Variants in TEX101 observed in about 807,000 individuals in gnomAD.
The protein encoded by TEX101 is testis-expressed protein 101.
TEX101 carries 10 observed loss-of-function variants against 18.1 expected under a neutral mutation model. The observed-to-expected ratio is 0.55, with a 90% CI of 0.34 to 0.94. The LOEUF (loss-of-function observed/expected upper bound fraction) is 0.94, where lower values mean the gene tolerates loss of function less well. Ranked by LOEUF, TEX101 falls within the 40% of genes least tolerant of loss-of-function variation. TEX101 has a pLI of 0.02. For missense variants in TEX101, 259 were observed against 298.9 expected (o/e 0.87, Z 0.98); for synonymous variants, 94 against 114.8 (o/e 0.82, Z 1.16).
upstream of TEX101, among the ~76,000 whole-genome samples, chr19:43,414,566 G>T (rs557377659): frequency 1.3e-5 from 2 of 152,290 alleles, no homozygotes; most frequent in African/African-American, 4.8e-5. Flanking sequence ...GAGGGCCAAG[G>T]GTCTGACCTC....
upstream of TEX101, chr19:43,414,851 C>T (rs918939910): frequency 4.1e-6 from 4 of 985,252 alleles, no homozygotes; most frequent in Non-Finnish European, 4.8e-6. Flanking sequence ...AATGGGGTTT[C>T]GAGTGCTGTG....
At chr19:43,401,524 A>G (rs1259687469) in exon 1 of TEX101, 3 of 152,244 alleles carry the variant, frequency 2.0e-5, no homozygotes, top group African/African-American at 4.8e-5. Flanking sequence ...GGAAATATGC[A>G]ACATGCTTCA....
At chr19:43,405,777 G>T (rs957485323) in intron 2 of TEX101, among the ~76,000 whole-genome samples, 5 of 151,334 alleles carry the variant, frequency 3.3e-5, no homozygotes, top group Non-Finnish European at 4.4e-5. Flanking sequence ...TTAGCTGGGC[G>T]TGGTGGCATG....
At chr19:43,395,259 A>T in the TEX101 span, among the ~76,000 whole-genome samples, 1 of 152,288 alleles carries the variant, frequency 6.6e-6, no homozygotes, top group Non-Finnish European at 1.5e-5. Flanking sequence ...AAGGAAATTT[A>T]TGCTCTCTGC....
rs779552871 is a variant in TEX101 at position 43,415,937 on chromosome 19, C to A, written c.18C>A (p.Ile6=). 5 of 1,614,192 alleles carry A rather than the reference C, an allele frequency of 3.1e-6. No individual in the cohort carries two copies. The highest frequency in any genetic ancestry group is 4.2e-6 in the Non-Finnish European group (5 of 1,180,026). Residue 6 remains isoleucine, a synonymous_variant, in exon 2 of 6, where the codon ATC becomes ATA. Transcript: ENST00000598265. ...AAGAAGCCATGGGAACCCCTCGTAT[C>A]CAGCATTTGCTGATCCTCCTGGTCC... MGTPR[I]QHLLILLVLG...
At chr19:43,411,326 T>G (rs1401735312), upstream of TEX101, among the ~76,000 whole-genome samples, 1 of 152,166 alleles carries the variant, frequency 6.6e-6, no homozygotes, top group African/African-American at 2.4e-5. Context: ...ATCCACCACC[T>G]CGGCCTCCCA....
chr19:43,404,682 CTAAT>C (rs1970346227), intron 2 of TEX101, among the ~76,000 whole-genome samples: 1 of 151,104 alleles, frequency 6.6e-6, no homozygotes, highest in South Asian at 2.1e-4. Flanking sequence ...TGCGTGTATC[CTAAT>C]TATTTGCCTG....
Position 43,418,183 on chromosome 19 carries a change from CTG to C in TEX101, c.539_540del (p.Val180GlyfsTer41). 1 of 1,614,174 alleles carries C rather than the reference CTG, an allele frequency of 6.2e-7. No individual in the cohort carries two copies. Among genetic ancestry groups the C allele is most frequent in the Non-Finnish European group, 8.5e-7 (1 of 1,180,028 alleles). Reference sequence around the variant, plus strand: ...TGTTCTATAGGTGGCATTGAGTCGTCTGTGGAGGTCAAAGGCTGTACAGCCAT... The same window carrying C: ...TGTTCTATAGGTGGCATTGAGTCGTCTGGAGGTCAAAGGCTGTACAGCCAT... On this transcript the variant is annotated frameshift_variant, in exon 6 of 6. Transcript: ENST00000598265. LOFTEE classifies it low-confidence loss of function (END_TRUNC).
chr19:43,405,169 A>G (rs1198547775), intron 2 of TEX101, among the ~76,000 whole-genome samples: 9 of 152,220 alleles, frequency 5.9e-5, no homozygotes, highest in Non-Finnish European at 1.5e-5. Context: ...TTTATTATTC[A>G]GGAAAAAGGC....
At chr19:43,389,301 T>C in the TEX101 span, among the ~76,000 whole-genome samples, 1 of 152,188 alleles carries the variant, frequency 6.6e-6, no homozygotes, top group Admixed American at 6.6e-5. Context: ...GGGTCCAGGC[T>C]TTCCCCATCA....
chr19:43,399,281 A>G (rs911889490), upstream of TEX101, among the ~76,000 whole-genome samples: 1 of 152,138 alleles, frequency 6.6e-6, no homozygotes, highest in Non-Finnish European at 1.5e-5. Context: ...ATAGTTATAT[A>G]GCTATTATTC....
chr19:43,416,472 C>A lies in TEX101; in HGVS notation c.308C>A (p.Thr103Asn), dbSNP rs139575901. ...QHSSPPGLIV[T>N]SYSNYCEDSF... ...TCTTCACCTCCCGGCCTGATCGTGA[C>A]CTCCTACAGTAACTACTGTGAGGAT... Residue 103 changes from threonine (T) to asparagine (N), a missense_variant, in exon 4 of 6, where the codon ACC becomes AAC. Thr to Asn is a moderately conservative substitution (Grantham distance 65). Transcript: ENST00000598265. The A allele has an allele frequency of 1.2e-6, 2 of 1,614,066 alleles. No individual in the cohort carries two copies. Among genetic ancestry groups the A allele is most frequent in the African/African-American group, 1.3e-5 (1 of 74,928 alleles).
At chr19:43,412,834 A>T (rs1003896419), upstream of TEX101, among the ~76,000 whole-genome samples, 2 of 152,226 alleles carry the variant, frequency 1.3e-5, no homozygotes, top group African/African-American at 4.8e-5. Flanking sequence ...CAATTCTGAA[A>T]GTATACAAAG....
At chr19:43,403,286 C>T (rs545492658) in intron 2 of TEX101, among the ~76,000 whole-genome samples, 12 of 152,286 alleles carry the variant, frequency 7.9e-5, no homozygotes, top group South Asian at 2.1e-4. Context: ...GTCATTCAGG[C>T]TTAAAGGTTT....
At chr19:43,396,953 C>T (rs1970272343), upstream of TEX101, among the ~76,000 whole-genome samples, 1 of 150,886 alleles carries the variant, frequency 6.6e-6, no homozygotes, top group African/African-American at 2.4e-5. Context: ...TCTCCTGCCT[C>T]AGCCTCCTGA....
chr19:43,402,749 T>A (rs1970328915), intron 1 of TEX101: 1 of 152,152 alleles, frequency 6.6e-6, no homozygotes, highest in Non-Finnish European at 1.5e-5. Context: ...GCCGGCTAAT[T>A]TTTTTGTATT....
chr19:43,393,107 A>AAGGAAGGAAGGAAGGAAGGAAG, the TEX101 span, among the ~76,000 whole-genome samples: 2,526 of 77,716 alleles, frequency 0.033, 39 homozygotes, highest in Middle Eastern at 0.11. Context: ...AAGGAAGGAA[A>AAGGAAGGAAGGAAGGAAGGAAG]GAAAGAAGGA....
In TEX101 at chr19:43,415,959, G is replaced by A; in HGVS notation, c.40G>A (p.Val14Ile). ...PRIQHLLILL[V>I]LGASLLTSGL... ...TATCCAGCATTTGCTGATCCTCCTG[G>A]TCCTAGGAGCCTCCCTCCTGACCTG... The change falls in exon 2 of 6, where the codon GTC becomes ATC. Residue 14 changes from valine to isoleucine, a missense_variant. Transcript: ENST00000598265. The A allele has an allele frequency of 6.2e-7, 1 of 1,614,116 alleles. No homozygotes were observed. The highest frequency in any genetic ancestry group is 8.5e-7 in the Non-Finnish European group (1 of 1,180,022).
upstream of TEX101, among the ~76,000 whole-genome samples, chr19:43,397,262 A>G (rs1970275534): frequency 6.6e-6 from 1 of 151,990 alleles, no homozygotes; most frequent in Admixed American, 6.6e-5. Flanking sequence ...TGCTTTCTAG[A>G]AAGGTCACTC....
Sources: gnomAD v4.1 joint callset for allele counts (sites outside exome capture counted in the v4.1 genomes callset) on GRCh38, gnomAD v4.1.1 for gene constraint, MANE v1.5 for transcripts, NCBI Gene and HGNC (gene_info 2026-07-23, HGNC 2026-07-21) for gene names.